TUBGCP3: variants seen among roughly 807,000 people sequenced by gnomAD.
TUBGCP3 encodes the protein gamma-tubulin complex component 3.
TUBGCP3 carries 50 observed loss-of-function variants against 123.1 expected under a neutral mutation model. The ratio of observed to expected loss-of-function variants is 0.41; its 90% CI spans 0.32 to 0.51. TUBGCP3 has a LOEUF of 0.51. Ranked by LOEUF, TUBGCP3 falls within the 20% of genes least tolerant of loss-of-function variation. TUBGCP3 has a pLI of 0.36. For missense variants in TUBGCP3, 882 were observed against 1,127.0 expected (o/e 0.78, Z 3.11); for synonymous variants, 405 against 413.9 (o/e 0.98, Z 0.26).
chr13:112,535,028 G>A (rs115069189), intron 11 of TUBGCP3, among the ~76,000 whole-genome samples: 1,825 of 152,250 alleles, frequency 0.012, 36 homozygotes, highest in African/African-American at 0.041. Context: ...TCATACGAAT[G>A]GAATCATACA....
chr13:112,525,928 A>C (rs565150368), intron 13 of TUBGCP3, among the ~76,000 whole-genome samples: 1 of 152,318 alleles, frequency 6.6e-6, no homozygotes, highest in South Asian at 2.1e-4. Context: ...ACACAGTACT[A>C]TATATATACA....
chr13:112,603,943 T>C, the TUBGCP3 span: 1 of 152,224 alleles, frequency 6.6e-6, no homozygotes, highest in Non-Finnish European at 1.5e-5. Context: ...TCATCCCAAA[T>C]TGGTGCTCTT....
intron 2 of TUBGCP3, among the ~76,000 whole-genome samples, chr13:112,566,565 C>T (rs1880964199): frequency 6.6e-6 from 1 of 152,138 alleles, no homozygotes; most frequent in African/African-American, 2.4e-5. Context: ...TTAAAACATA[C>T]TATGTAAAGT....
At chr13:112,547,438 G>A (rs1160416029) in intron 10 of TUBGCP3, 182 bp downstream of exon 10, 1 of 1,067,894 alleles carries the variant, frequency 9.4e-7, no homozygotes, top group African/African-American at 1.6e-5. Flanking sequence ...AAAACGGGCA[G>A]GACACAAAAG....
intron 20 of TUBGCP3, among the ~76,000 whole-genome samples, chr13:112,497,914 A>T (rs1219006045): frequency 3.3e-5 from 5 of 152,358 alleles, no homozygotes; most frequent in African/African-American, 1.2e-4. Context: ...ATCCTGAAAA[A>T]GTAAAAGATT....
chr13:112,525,803 G>C (rs6577085), intron 13 of TUBGCP3, among the ~76,000 whole-genome samples: 2,481 of 152,128 alleles, frequency 0.016, 83 homozygotes, highest in African/African-American at 0.056. Flanking sequence ...GCTACCATTA[G>C]CAATATTTTT....
At chr13:112,583,763 T>C (rs2139334281) in intron 1 of TUBGCP3, among the ~76,000 whole-genome samples, 1 of 152,318 alleles carries the variant, frequency 6.6e-6, no homozygotes, top group Admixed American at 6.5e-5. Context: ...GTGGACTATA[T>C]GTTCCACACT....
At chr13:112,554,699 G>C (rs903815180) in intron 7 of TUBGCP3, among the ~76,000 whole-genome samples, 188 bp downstream of exon 7, 1 of 151,934 alleles carries the variant, frequency 6.6e-6, no homozygotes, top group Non-Finnish European at 1.5e-5. Flanking sequence ...AATCACAAAG[G>C]GTCCCCATAA....
At chr13:112,489,746 G>T in intron 20 of TUBGCP3, 49 bp from the exon 21 acceptor site, 1 of 1,498,260 alleles carries the variant, frequency 6.7e-7, no homozygotes, top group Non-Finnish European at 9.3e-7. Context: ...ATGGAAAACA[G>T]ATTACAGAGT....
chr13:112,552,415 A>G (rs1594188051), intron 8 of TUBGCP3, among the ~76,000 whole-genome samples: 1 of 152,300 alleles, frequency 6.6e-6, no homozygotes, highest in African/African-American at 2.4e-5. Flanking sequence ...CACCAGTCCT[A>G]CCTGCCTCGA....
chr13:112,551,210 C>T (rs867786470), intron 8 of TUBGCP3, among the ~76,000 whole-genome samples: 17 of 152,354 alleles, frequency 1.1e-4, no homozygotes, highest in East Asian at 9.6e-4. Context: ...GAGAAGTCTA[C>T]AACCAAAAGA....
At chr13:112,549,851 G>A (rs142939358) in intron 8 of TUBGCP3, among the ~76,000 whole-genome samples, 1,821 of 151,982 alleles carry the variant, frequency 0.012, 36 homozygotes, top group African/African-American at 0.041. Flanking sequence ...TTAGCCGGGC[G>A]TGTTGGCGGG....
At chr13:112,516,001 A>T (rs1271127707) in intron 17 of TUBGCP3, among the ~76,000 whole-genome samples, 1 of 152,260 alleles carries the variant, frequency 6.6e-6, no homozygotes, top group African/African-American at 2.4e-5. Context: ...TTTTATATAA[A>T]GACTTCAAAA....
intron 11 of TUBGCP3, among the ~76,000 whole-genome samples, chr13:112,532,321 A>C (rs1480642126): frequency 6.6e-6 from 1 of 152,260 alleles, no homozygotes; most frequent in African/African-American, 2.4e-5. Flanking sequence ...ACACAGCAAC[A>C]GTGCTAAATA....
chr13:112,538,624 T>G (rs1298360626), intron 11 of TUBGCP3, among the ~76,000 whole-genome samples: 2 of 152,236 alleles, frequency 1.3e-5, no homozygotes, highest in African/African-American at 4.8e-5. Context: ...AACTCCAGAA[T>G]TTCTATTTGG....
At chr13:112,566,782 T>C (rs950548822) in intron 2 of TUBGCP3, among the ~76,000 whole-genome samples, 11 of 152,352 alleles carry the variant, frequency 7.2e-5, no homozygotes, top group Admixed American at 3.3e-4. Context: ...ATAAGTGATG[T>C]TTCTCTATTA....
upstream of TUBGCP3, among the ~76,000 whole-genome samples, chr13:112,589,038 C>G (rs904119447): frequency 3.3e-5 from 5 of 152,312 alleles, no homozygotes; most frequent in Non-Finnish European, 5.9e-5. Flanking sequence ...ACAACTAGAC[C>G]CTACAGCTAA....
intron 14 of TUBGCP3, among the ~76,000 whole-genome samples, chr13:112,520,536 A>C (rs1389176876): frequency 6.6e-6 from 1 of 152,192 alleles, no homozygotes; most frequent in Non-Finnish European, 1.5e-5. Context: ...TCTCAAAAAA[A>C]AGAAAAAAAA....
intron 1 of TUBGCP3, 131 bp from the exon 2 acceptor site, chr13:112,569,390 G>A: frequency 1.5e-6 from 1 of 681,594 alleles, no homozygotes; most frequent in Non-Finnish European, 2.5e-6. Context: ...TAACTGAGAG[G>A]ACAGAAAAGC....
Sources: gnomAD v4.1 joint callset for allele counts (sites outside exome capture counted in the v4.1 genomes callset) on GRCh38, gnomAD v4.1.1 for gene constraint, MANE v1.5 for transcripts, NCBI Gene and HGNC (gene_info 2026-07-23, HGNC 2026-07-21) for gene names.